EED: variants seen among roughly 807,000 people sequenced by gnomAD.
EED encodes the protein embryonic ectoderm development, also known as polycomb protein EED.
A neutral mutation model predicts 61.0 loss-of-function variants in EED; 9 were observed. The observed-to-expected ratio is 0.15, with a 90% CI of 0.09 to 0.26. The LOEUF (loss-of-function observed/expected upper bound fraction) is 0.26. EED is among the 10% of genes least tolerant of loss of function. The pLI, the probability that EED is intolerant of heterozygous loss-of-function variation, is 1.00. For synonymous variants in EED, 187 were observed against 174.4 expected, an observed-to-expected ratio of 1.07 and a Z score of -0.57; for missense variants, 315 against 542.3, an observed-to-expected ratio of 0.58 and a Z score of 4.16.
chr11:86,248,244 A>G (rs1240593733), intron 1 of EED, among the ~76,000 whole-genome samples: 1 of 152,242 alleles, frequency 6.6e-6, no homozygotes, highest in African/African-American at 2.4e-5. Context: ...TAAAGATAAA[A>G]TGGAAGCATG....
At chr11:86,278,208 A>T in intron 11 of EED, 191 bp from the exon 12 acceptor site, 1 of 1,333,730 alleles carries the variant, frequency 7.5e-7, no homozygotes, top group Non-Finnish European at 9.6e-7. Flanking sequence ...CAAATTATGT[A>T]GTGCTTGTTG....
chr11:86,286,399 A>C, the EED span, among the ~76,000 whole-genome samples: 1 of 152,160 alleles, frequency 6.6e-6, no homozygotes, highest in Non-Finnish European at 1.5e-5. Flanking sequence ...TGGGGTGAGA[A>C]AGGAATAAGA....
chr11:86,275,767 G>A (rs1441101820), intron 9 of EED, among the ~76,000 whole-genome samples: 1 of 152,134 alleles, frequency 6.6e-6, no homozygotes, highest in Non-Finnish European at 1.5e-5. Context: ...ACAGACTATT[G>A]ATCCAATTTT....
chr11:86,266,855 A>G (rs1170087343), intron 8 of EED, among the ~76,000 whole-genome samples: 1 of 152,180 alleles, frequency 6.6e-6, no homozygotes, highest in Non-Finnish European at 1.5e-5. Flanking sequence ...TAAACGTTGT[A>G]TGTCTGCATG....
intron 9 of EED, among the ~76,000 whole-genome samples, chr11:86,270,370 T>G (rs1946085833): frequency 6.6e-6 from 1 of 150,560 alleles, no homozygotes; most frequent in Non-Finnish European, 1.5e-5. Flanking sequence ...TTTTTTTTTT[T>G]TAACTGTTGA....
At position 86,266,264 on chromosome 11, in the gene EED, T is replaced by C; in HGVS notation, c.860+48T>C. 3 of 1,474,432 alleles carry C rather than the reference T, an allele frequency of 2.0e-6. No individual in the cohort carries two copies. The East Asian group carries it at 7.3e-5, about 36-fold the overall frequency. The allele number at this position is 1,474,432 out of a possible 1,614,324, so 91.3% of individuals were successfully genotyped here. A position where few individuals can be genotyped will look rare whatever the true frequency, so the allele number is the denominator to read the frequency against. ...CAATTTGCTATGTTGTGCTATTGAA[T>C]ATAAGTTTTATTTTTTCCCAAAATT... On this transcript the variant is annotated intron_variant, in intron 8 of 11. Transcript: ENST00000263360.
chr11:86,276,898 A>G, intron 9 of EED, 82 bp from the exon 10 acceptor site: 1 of 1,288,716 alleles, frequency 7.8e-7, no homozygotes, highest in Admixed American at 3.1e-5. Flanking sequence ...GAATTCCAAA[A>G]CAATAGAAAA....
At chr11:86,264,409 C>T (rs1355046009) in intron 7 of EED, 146 bp downstream of exon 7, 1 of 530,664 alleles carries the variant, frequency 1.9e-6, no homozygotes, top group Non-Finnish European at 3.4e-6. Flanking sequence ...ATTTTAATCT[C>T]CAGATGAAGG....
intron 1 of EED, among the ~76,000 whole-genome samples, chr11:86,246,667 A>T (rs1945399562): frequency 6.6e-6 from 1 of 152,162 alleles, no homozygotes; most frequent in African/African-American, 2.4e-5. Flanking sequence ...GTACATTGGG[A>T]TCTAACATTT....
chr11:86,272,358 A>G (rs1946138333), intron 9 of EED, among the ~76,000 whole-genome samples: 1 of 151,772 alleles, frequency 6.6e-6, no homozygotes, highest in Admixed American at 6.6e-5. Context: ...GCGCCCGGCC[A>G]CTGTTGGTTT....
At chr11:86,245,392 A>ATTCTT in intron 1 of EED, 49 bp downstream of exon 1, 2 of 1,403,766 alleles carry the variant, frequency 1.4e-6, no homozygotes, top group Non-Finnish European at 1.9e-6. Context: ...AAAGTTTTAA[A>ATTCTT]TTCTTTTAAA....
intron 4 of EED, among the ~76,000 whole-genome samples, chr11:86,255,851 G>T (rs1219129942): frequency 6.6e-6 from 1 of 152,132 alleles, no homozygotes; most frequent in African/African-American, 2.4e-5. Flanking sequence ...TAAGTAATAA[G>T]ATATTTCTTC....
At chr11:86,264,356 T>C in intron 7 of EED, 93 bp downstream of exon 7, 1 of 857,678 alleles carries the variant, frequency 1.2e-6, no homozygotes, top group Non-Finnish European at 1.9e-6. Context: ...GTGTGTTTCA[T>C]GTAGCCTGTC....
intron 1 of EED, among the ~76,000 whole-genome samples, chr11:86,247,719 T>G (rs1375774100): frequency 2.0e-5 from 3 of 152,176 alleles, no homozygotes; most frequent in Admixed American, 2.0e-4. Flanking sequence ...TAGAGAACAT[T>G]GTATAAAAAT....
downstream of EED, among the ~76,000 whole-genome samples, chr11:86,279,488 A>G (rs1428660057): frequency 1.3e-5 from 2 of 152,216 alleles, no homozygotes; most frequent in Non-Finnish European, 2.9e-5. Flanking sequence ...TTTGTGGGCA[A>G]AAATTCCCTA....
chr11:86,249,199 A>G (rs1371446839), intron 1 of EED, among the ~76,000 whole-genome samples: 2 of 152,204 alleles, frequency 1.3e-5, no homozygotes, highest in African/African-American at 4.8e-5. Flanking sequence ...TTCTGTAAAG[A>G]CTAATGATAT....
At chr11:86,252,419 AC>A (rs1237936542) in intron 3 of EED, among the ~76,000 whole-genome samples, 179 bp downstream of exon 3, 1 of 152,152 alleles carries the variant, frequency 6.6e-6, no homozygotes, top group East Asian at 1.9e-4. Flanking sequence ...GGCTGAAAAT[AC>A]ATCTATATTT....
At position 86,272,653 on chromosome 11, in the gene EED, G is replaced by A. The variant is rs544249010; in HGVS notation, c.966+4092G>A. ...TCTCCTTTCAGTTCTGTCACGTTTT[G>A]CAGTTCTATTGTTCATGCATTCACA... On this transcript the variant is annotated intron_variant, in intron 9 of 11. Transcript: ENST00000263360. 3.9e-5 allele frequency among the ~76,000 whole-genome samples: 6 copies of A among 152,246 alleles called. No homozygotes were observed. In the East Asian group the frequency reaches 1.2e-3, roughly 29 times the overall value.
chr11:86,245,203 C>T lies in EED; in HGVS notation c.-27C>T. 1 of 1,595,374 alleles carries T rather than the reference C, an allele frequency of 6.3e-7. No homozygotes were observed. Among genetic ancestry groups the T allele is most frequent in the East Asian group, 2.3e-5 (1 of 43,362 alleles). ...GTGGCGGAGGCCCCGCCCCAGGCGG[C>T]AGGAACCTGGAGGGAGGCGGAGGAA... is the stretch of plus-strand genomic sequence containing the variant. On this transcript the variant is annotated 5_prime_UTR_variant, in exon 1 of 12. Transcript: ENST00000263360.
Sources: allele counts gnomAD v4.1 joint callset (sites outside exome capture counted in the v4.1 genomes callset), GRCh38; gene constraint gnomAD v4.1.1; transcripts MANE v1.5; gene names NCBI Gene and HGNC (gene_info 2026-07-23, HGNC 2026-07-21).